Variants in HIF1A observed in about 807,000 individuals in gnomAD.
HIF1A encodes hypoxia-inducible factor 1-alpha.
HIF1A carries 24 observed loss-of-function variants against 92.7 expected under a neutral mutation model. The observed-to-expected ratio is 0.26, with a 90% CI of 0.19 to 0.36. HIF1A has a LOEUF of 0.36. HIF1A is among the 10% of genes least tolerant of loss of function. HIF1A has a pLI of 1.00. For synonymous variants in HIF1A, 319 were observed against 338.7 expected, an observed-to-expected ratio of 0.94 and a Z score of 0.64; for missense variants, 799 against 998.5, an observed-to-expected ratio of 0.80 and a Z score of 2.69.
chr14:61,731,493 A>T (rs536693402), intron 6 of HIF1A, among the ~76,000 whole-genome samples: 1 of 152,198 alleles, frequency 6.6e-6, no homozygotes, highest in Non-Finnish European at 1.5e-5. Context: ...ATCTGAAATT[A>T]CTCCCATAAT....
At chr14:61,731,413 C>T (rs1288253768) in intron 6 of HIF1A, among the ~76,000 whole-genome samples, 1 of 152,202 alleles carries the variant, frequency 6.6e-6, no homozygotes, top group East Asian at 1.9e-4. Flanking sequence ...TAAAGGTCTA[C>T]TCTCTGCCAG....
At chr14:61,746,430 T>A (rs2044790860) in intron 14 of HIF1A, among the ~76,000 whole-genome samples, 1 of 133,386 alleles carries the variant, frequency 7.5e-6, no homozygotes, top group Non-Finnish European at 1.5e-5. Flanking sequence ...AGGGTCTCGC[T>A]CTGTTGCCCA....
chr14:61,733,525 C>G (rs1021216850), intron 7 of HIF1A, among the ~76,000 whole-genome samples: 1 of 152,122 alleles, frequency 6.6e-6, no homozygotes, highest in Admixed American at 6.5e-5. Context: ...CATGACTTCC[C>G]ACTGTGCTTG....
At chr14:61,717,995 T>A (rs1398906993) in intron 1 of HIF1A, among the ~76,000 whole-genome samples, 1 of 148,268 alleles carries the variant, frequency 6.7e-6, no homozygotes, top group Non-Finnish European at 1.5e-5. Context: ...CACTCCAGCC[T>A]GGGTGACAAG....
rs1053820077 is a variant in HIF1A at position 61,696,445 on chromosome 14, A to G, written c.35+606A>G. ...GTGTCTTTGCCTTTGTGCATTAGGG[A>G]TTTGCCGCGATGGCCTTAAGATGCG... On this transcript the variant is annotated intron_variant, in intron 1 of 14. Transcript: ENST00000337138. 7.6e-4 allele frequency among the ~76,000 whole-genome samples: 115 copies of G among 152,198 alleles called. 1 individual carries two copies. The highest frequency in any genetic ancestry group is 2.9e-4 in the Non-Finnish European group (20 of 68,018).
At chr14:61,695,900 C>T (rs2044108007) in intron 1 of HIF1A, 61 bp downstream of exon 1, 6 of 1,468,454 alleles carry the variant, frequency 4.1e-6, no homozygotes, top group East Asian at 4.9e-5. Context: ...CCTGCCCGCC[C>T]TGGGCTCCTG....
intron 1 of HIF1A, among the ~76,000 whole-genome samples, chr14:61,708,906 C>T (rs1374077479): frequency 6.6e-6 from 1 of 151,966 alleles, no homozygotes; most frequent in Middle Eastern, 3.4e-3. Flanking sequence ...CACAATACTT[C>T]TTTTTTTTGA....
intron 8 of HIF1A, among the ~76,000 whole-genome samples, chr14:61,735,211 A>G (rs2140150528): frequency 6.6e-6 from 1 of 152,322 alleles, no homozygotes; most frequent in Non-Finnish European, 1.5e-5. Flanking sequence ...CAAGATAAAC[A>G]CTTGCCTAGG....
At chr14:61,725,066 A>G (rs1199752642) in intron 4 of HIF1A, among the ~76,000 whole-genome samples, 1 of 152,078 alleles carries the variant, frequency 6.6e-6, no homozygotes, top group Non-Finnish European at 1.5e-5. Flanking sequence ...TCATTCTCTT[A>G]CTTCTCCTTG....
At chr14:61,715,907 G>C (rs1464178024) in intron 1 of HIF1A, 1 of 152,306 alleles carries the variant, frequency 6.6e-6, no homozygotes, top group East Asian at 1.9e-4. Flanking sequence ...TAGGGAGGGG[G>C]AGGATTGCTT....
At chr14:61,710,933 G>A (rs974835016) in intron 1 of HIF1A, among the ~76,000 whole-genome samples, 4 of 151,730 alleles carry the variant, frequency 2.6e-5, no homozygotes, top group Non-Finnish European at 5.9e-5. Flanking sequence ...GGTGGCAGGC[G>A]CCTGTAACCC....
intron 7 of HIF1A, among the ~76,000 whole-genome samples, chr14:61,733,639 C>CT (rs1378679986): frequency 6.6e-6 from 1 of 152,162 alleles, no homozygotes; most frequent in Non-Finnish European, 1.5e-5. Flanking sequence ...ATAATACCAT[C>CT]ATTAGCATTT....
chr14:61,720,545 T>G lies in HIF1A; in HGVS notation c.199T>G (p.Leu67Val). 6.2e-7 allele frequency: 1 copy of G among 1,606,300 alleles called. No homozygotes were observed. The highest frequency in any genetic ancestry group is 8.5e-7 in the Non-Finnish European group (1 of 1,177,116). The change falls in exon 2 of 15, where the codon TTG (leucine) becomes GTG (valine). Residue 67 changes from leucine (L) to valine (V), a missense_variant. Around this residue, in one of 2 missense-constraint regions of HIF1A, gnomAD observed 516 missense variants for 721.0 expected, o/e 0.72. Transcript: ENST00000337138. ...ASVMRLTISY[L>V]RVRKLLDAGD... The stretch of plus-strand genomic sequence containing the variant: ...TGTGATGAGGCTTACCATCAGCTAT[T>G]TGCGTGTGAGGAAACTTCTGGATGC...
At chr14:61,707,302 G>A (rs896023427) in intron 1 of HIF1A, among the ~76,000 whole-genome samples, 2 of 9,432 alleles carry the variant, frequency 2.1e-4, no homozygotes, top group African/African-American at 2.4e-4. Flanking sequence ...TCAGCATTCT[G>A]TGTTTTTTTT....
rs539919107 is a variant in HIF1A at position 61,708,237 on chromosome 14, C to G, written c.36-12145C>G. ...CAGATGAGTAGATTGCAAAAATTTT[C>G]TCCCATTCTGTAGGTTGCCTGTTCA... On this transcript the variant is annotated intron_variant, in intron 1 of 14. Coordinates refer to ENST00000337138, the MANE Select transcript of HIF1A (RefSeq NM_001530.4). Among the ~76,000 whole-genome samples the G allele has an allele frequency of 2.1e-3, 325 of 152,094 alleles. 2 individuals are homozygous for G. The highest frequency in any genetic ancestry group is 7.7e-3 in the African/African-American group (320 of 41,496).
At chr14:61,732,089 TC>T (rs776187757) in intron 6 of HIF1A, among the ~76,000 whole-genome samples, 43 of 152,212 alleles carry the variant, frequency 2.8e-4, no homozygotes, top group Non-Finnish European at 5.3e-4. Context: ...TGAGCCAAGA[TC>T]ACACCTCATT....
intron 1 of HIF1A, chr14:61,715,463 C>G (rs2044353295): frequency 6.6e-6 from 1 of 152,074 alleles, no homozygotes; most frequent in Admixed American, 6.5e-5. Context: ...CAAATACTTG[C>G]CTTGGTAATC....
At chr14:61,708,053 G>A (rs2044261874) in intron 1 of HIF1A, among the ~76,000 whole-genome samples, 1 of 152,108 alleles carries the variant, frequency 6.6e-6, no homozygotes, top group African/African-American at 2.4e-5. Context: ...TTCTCTGATG[G>A]CCAGTGATGA....
chr14:61,718,669 A>C lies in HIF1A; in HGVS notation c.36-1713A>C, dbSNP rs145486790. Among the ~76,000 whole-genome samples, 487 of 152,334 alleles carry C rather than the reference A, an allele frequency of 3.2e-3. 5 individuals are homozygous for C. Among genetic ancestry groups the C allele is most frequent in the African/African-American group, 0.011 (457 of 41,582 alleles). ...ACAGACTGCTGGCATTTGCATTTTC[A>C]TGTAGCCTCAGTGACTAATTTTTTT... On this transcript the variant is annotated intron_variant, in intron 1 of 14. Coordinates refer to ENST00000337138, the MANE Select transcript of HIF1A (RefSeq NM_001530.4).
Sources: allele counts gnomAD v4.1 joint callset (sites outside exome capture counted in the v4.1 genomes callset), GRCh38; gene constraint gnomAD v4.1.1; regional missense constraint gnomAD v4.1.1; transcripts MANE v1.5; gene names NCBI Gene and HGNC (gene_info 2026-07-23, HGNC 2026-07-21).